Variants in FUCA2 observed in about 807,000 individuals in gnomAD.
FUCA2 encodes alpha-L-fucosidase 2.
A neutral mutation model predicts 52.6 loss-of-function variants in FUCA2; 41 were observed. That is an observed-to-expected ratio of 0.78 (90% CI 0.61 to 1.01). The LOEUF (loss-of-function observed/expected upper bound fraction) is 1.01, where lower values mean the gene tolerates loss of function less well. Among genes scored for constraint, FUCA2 ranks in the 50% least tolerant of loss-of-function variants. The pLI, the probability that FUCA2 is intolerant of heterozygous loss-of-function variation, is 0.00. For missense variants in FUCA2, 507 were observed against 569.5 expected (o/e 0.89, Z 1.12); for synonymous variants, 211 against 217.3 (o/e 0.97, Z 0.26).
Position 143,497,172 on chromosome 6 carries a change from G to A in FUCA2, c.1263+217C>T, listed in dbSNP as rs900694713. ...GACAGGGGTCTTGCTATGTTGCCCA[G>A]GCTAGTCTCAAACTTCTGGCCTCAA... On this transcript the variant is annotated intron_variant, in intron 6 of 6. Coordinates refer to ENST00000002165, the MANE Select transcript of FUCA2 (RefSeq NM_032020.5). The surrounding 1 kb of genome is among the most constrained non-coding windows in gnomAD (Gnocchi z 5.3). The A allele has an allele frequency of 1.6e-5, 8 of 492,204 alleles. No individual in the cohort carries two copies. Among genetic ancestry groups the A allele is most frequent in the Non-Finnish European group, 2.9e-5 (8 of 272,032 alleles). 30.5% of individuals were successfully genotyped at this position (492,204 alleles called of 1,614,324 possible). A position where few individuals can be genotyped will look rare whatever the true frequency, so the allele number is the denominator to read the frequency against.
rs770485342 is a variant in FUCA2, at chr6:143,511,560, C to A, written c.75G>T (p.Pro25=). The A allele has an allele frequency of 2.0e-5, 31 of 1,564,550 alleles. No individual in the cohort carries two copies. Among genetic ancestry groups the A allele is most frequent in the Non-Finnish European group, 2.6e-5 (30 of 1,155,262 alleles). ...AGCGCGTGGCGCTGTGGGCAGGGCA[C>A]GGCGGCGGCGGCAGCAGCAGCAACA... The part of the protein sequence containing the change: ...LLLLLLLPPP[P]CPAHSATRFD... Residue 25 remains proline (P), a synonymous_variant, in exon 1 of 7, where the codon CCG becomes CCT. Coordinates refer to ENST00000002165, the MANE Select transcript of FUCA2 (RefSeq NM_032020.5). The surrounding 1 kb of genome is among the most constrained non-coding windows in gnomAD (Gnocchi z 6.3).
At position 143,495,479 on chromosome 6, in the gene FUCA2, G is replaced by T; in HGVS notation, c.*228C>A. The T allele has an allele frequency of 2.3e-6, 1 of 432,308 alleles. No individual in the cohort carries two copies. Among genetic ancestry groups the T allele is most frequent in the Non-Finnish European group, 4.1e-6 (1 of 243,764 alleles). The allele number at this position is 432,308 out of a possible 1,614,324, so 26.8% of individuals were successfully genotyped here. A position where few individuals can be genotyped will look rare whatever the true frequency, so the allele number is the denominator to read the frequency against. On this transcript the variant is annotated 3_prime_UTR_variant, in exon 7 of 7. Transcript: ENST00000002165. The surrounding 1 kb of genome is among the most constrained non-coding windows in gnomAD (Gnocchi z 5.2). ...AATTCTCACCTCTGAGTCACACATGGAAACAAATCAATGTGAAGAGACTTT... is the reference window on the plus strand; with the variant it reads ...AATTCTCACCTCTGAGTCACACATGTAAACAAATCAATGTGAAGAGACTTT...
intron 1 of FUCA2, among the ~76,000 whole-genome samples, chr6:143,508,032 C>T (rs1452303029): frequency 6.6e-6 from 1 of 152,104 alleles, no homozygotes; most frequent in Admixed American, 6.5e-5. Flanking sequence ...ACACATTGTC[C>T]CTTGTAACAT....
Position 143,507,128 on chromosome 6 carries a change from T to C in FUCA2, c.412+109A>G, listed in dbSNP as rs527869068. Reference sequence around the variant, plus strand: ...ATAAGCAAGTGCCAGTCACCACTTATGGTTGCTCCGAAGAGAAAATTAGAC... The same window carrying C: ...ATAAGCAAGTGCCAGTCACCACTTACGGTTGCTCCGAAGAGAAAATTAGAC... On this transcript the variant is annotated intron_variant, in intron 2 of 6. Coordinates refer to ENST00000002165, the MANE Select transcript of FUCA2 (RefSeq NM_032020.5). The surrounding 1 kb of genome is among the most constrained non-coding windows in gnomAD (Gnocchi z 4.5). The C allele has an allele frequency of 1.9e-4, 188 of 999,862 alleles. 1 individual carries two copies. The African/African-American group carries it at 2.8e-3, about 15-fold the overall frequency. The allele number at this position is 999,862 out of a possible 1,614,324, so 61.9% of individuals were successfully genotyped here. A position where few individuals can be genotyped will look rare whatever the true frequency, so the allele number is the denominator to read the frequency against.
chr6:143,498,358 A>G (rs1023620151), intron 5 of FUCA2, among the ~76,000 whole-genome samples: 4 of 152,214 alleles, frequency 2.6e-5, no homozygotes, highest in African/African-American at 9.6e-5. Context: ...ATTAAATGCT[A>G]TGGAGAAAAC....
intron 6 of FUCA2, chr6:143,496,430 GA>G: frequency 6.6e-6 from 1 of 152,224 alleles, no homozygotes; most frequent in Non-Finnish European, 1.5e-5. Context: ...AAAGAACATA[GA>G]TAAAATAAAA....
rs1780661788 is a variant in FUCA2 at position 143,510,064 on chromosome 6, A to G, written c.224+1347T>C. 6.6e-6 allele frequency among the ~76,000 whole-genome samples: 1 copy of G among 152,236 alleles called. No homozygotes were observed. The highest frequency in any genetic ancestry group is 6.5e-5 in the Admixed American group (1 of 15,286). On this transcript the variant is annotated intron_variant, in intron 1 of 6. Coordinates refer to ENST00000002165, the MANE Select transcript of FUCA2 (RefSeq NM_032020.5). This position sits in a 1 kb window ranked among gnomAD's most constrained non-coding sequence, Gnocchi z 4.4. ...ATCCTAAGCTTCAAAGACAAGAAGTAGAATACTGTACAGAACTTGCTAAAA... is the reference window on the plus strand; with the variant it reads ...ATCCTAAGCTTCAAAGACAAGAAGTGGAATACTGTACAGAACTTGCTAAAA...
chr6:143,504,285 T>C lies in FUCA2; in HGVS notation c.413-33A>G. 1 of 1,550,506 alleles carries C rather than the reference T, an allele frequency of 6.4e-7. No homozygotes were observed. Among genetic ancestry groups the C allele is most frequent in the Non-Finnish European group, 8.8e-7 (1 of 1,142,650 alleles). ...ATTATAGTGAAAACCCTTGTAAGCA[T>C]GTCAACTTTATTTTAGTAAATTTCA... On this transcript the variant is annotated intron_variant, in intron 2 of 6. Coordinates refer to ENST00000002165, the MANE Select transcript of FUCA2 (RefSeq NM_032020.5). This position sits in a 1 kb window ranked among gnomAD's most constrained non-coding sequence, Gnocchi z 4.4.
intron 1 of FUCA2, among the ~76,000 whole-genome samples, chr6:143,508,153 A>C (rs1780635519): frequency 6.6e-6 from 1 of 152,230 alleles, no homozygotes; most frequent in Non-Finnish European, 1.5e-5. Flanking sequence ...GGGAGGCAAA[A>C]GTAAAATTAA....
At position 143,504,227 on chromosome 6, in the gene FUCA2, A is replaced by G; in HGVS notation, c.438T>C (p.Tyr146=). 1 of 1,613,934 alleles carries G rather than the reference A, an allele frequency of 6.2e-7. No individual in the cohort carries two copies. Among genetic ancestry groups the G allele is most frequent in the Non-Finnish European group, 8.5e-7 (1 of 1,179,902 alleles). ...HEGFTLWGSE[Y]SWNWNAIDEG... ...CATCTATGGCATTCCAGTTCCACGA[A>G]TATTCTGACCCCCACAAGGTAAAGC... The change falls in exon 3 of 7, where the codon TAT becomes TAC. Residue 146 remains tyrosine (Y), a synonymous_variant. Transcript: ENST00000002165. This position sits in a 1 kb window ranked among gnomAD's most constrained non-coding sequence, Gnocchi z 4.4.
intron 2 of FUCA2, chr6:143,505,895 A>C (rs1277788639): frequency 6.6e-6 from 1 of 152,222 alleles, no homozygotes; most frequent in African/African-American, 2.4e-5. Context: ...CATGTGGGCT[A>C]CATCATCTCT....
At chr6:143,496,825 T>G (rs1449231506) in intron 6 of FUCA2, 1 of 152,186 alleles carries the variant, frequency 6.6e-6, no homozygotes, top group Non-Finnish European at 1.5e-5. Context: ...TGCAGTGAAC[T>G]TGAACAACGT....
At position 143,502,582 on chromosome 6, in the gene FUCA2, A is replaced by G. The variant is rs1780544580; in HGVS notation, c.753-17T>C. 6.3e-7 allele frequency: 1 copy of G among 1,595,212 alleles called. No homozygotes were observed. Among genetic ancestry groups the G allele is most frequent in the Non-Finnish European group, 8.5e-7 (1 of 1,171,514 alleles). On this transcript the variant is annotated splice_polypyrimidine_tract_variant and intron_variant, in intron 3 of 6. Transcript: ENST00000002165. This position sits in a 1 kb window ranked among gnomAD's most constrained non-coding sequence, Gnocchi z 4.1. ...CGAACTGGGCTGAAATGAAACATAC[A>G]ATTTTTTAAAACAAAAGGTATAAGC...
chr6:143,495,033 G>C lies in FUCA2; in HGVS notation c.*674C>G, dbSNP rs558574199. The C allele has an allele frequency of 1.0e-4, 16 of 153,028 alleles. No individual in the cohort carries two copies. The highest frequency in any genetic ancestry group is 1.5e-4 in the Non-Finnish European group (10 of 68,494). 9.5% of individuals were successfully genotyped at this position (153,028 alleles called of 1,614,324 possible). ...TCCTAGGCCTTCACATTCACTCACT[G>C]ACTCACCCAGAGCAACTTCCAGTCC... On this transcript the variant is annotated 3_prime_UTR_variant, in exon 7 of 7. Coordinates refer to ENST00000002165, the MANE Select transcript of FUCA2 (RefSeq NM_032020.5). This position sits in a 1 kb window ranked among gnomAD's most constrained non-coding sequence, Gnocchi z 5.2.
rs960446936 is a variant in FUCA2, at chr6:143,499,933, G to A, written c.1154+1999C>T. Among the ~76,000 whole-genome samples the A allele has an allele frequency of 6.6e-6, 1 of 152,210 alleles. No homozygotes were observed. The highest frequency in any genetic ancestry group is 2.4e-5 in the African/African-American group (1 of 41,454). On this transcript the variant is annotated intron_variant, in intron 5 of 6. Transcript: ENST00000002165. The surrounding 1 kb of genome is among the most constrained non-coding windows in gnomAD (Gnocchi z 6.0). ...TCACTAGAAATGCAAGTGAAATTGA[G>A]TTAAAGGGGAGAATTGCTATAACAA...
Position 143,509,269 on chromosome 6 carries a change from C to G in FUCA2, c.225-1845G>C, listed in dbSNP as rs1377463309. On this transcript the variant is annotated intron_variant, in intron 1 of 6. Coordinates refer to ENST00000002165, the MANE Select transcript of FUCA2 (RefSeq NM_032020.5). This position sits in a 1 kb window ranked among gnomAD's most constrained non-coding sequence, Gnocchi z 5.4. ...ATATACTCATCTATACTGTTGATTC[C>G]CCGAAAGTCAAATTGAGAGTGAGGA... Among the ~76,000 whole-genome samples, 1 of 151,956 alleles carries G rather than the reference C, an allele frequency of 6.6e-6. No homozygotes were observed. Among genetic ancestry groups the G allele is most frequent in the Non-Finnish European group, 1.5e-5 (1 of 68,004 alleles).
intron 2 of FUCA2, chr6:143,506,455 A>G (rs1392027522): frequency 6.6e-6 from 1 of 152,044 alleles, no homozygotes; most frequent in Non-Finnish European, 1.5e-5. Context: ...CGGCCTCCCA[A>G]AATTTTGGGA....
chr6:143,504,160 T>A lies in FUCA2; in HGVS notation c.505A>T (p.Ile169Phe). The change falls in exon 3 of 7, where the codon ATT becomes TTT. Residue 169 changes from isoleucine (I) to phenylalanine (F), a missense_variant. Physicochemically the swap from Ile to Phe is conservative, Grantham distance 21. Transcript: ENST00000002165. The surrounding 1 kb of genome is among the most constrained non-coding windows in gnomAD (Gnocchi z 4.4). ...RDIVKELEVA[I>F]RNRTDLRFGL... ...AAACGCAGGTCAGTTCTGTTCCTAA[T>A]GGCTACCTCAAGTTCCTTGACAATG... The A allele has an allele frequency of 6.2e-7, 1 of 1,614,174 alleles. No individual in the cohort carries two copies. Among genetic ancestry groups the A allele is most frequent in the South Asian group, 1.1e-5 (1 of 91,084 alleles).
Position 143,499,428 on chromosome 6 carries a change from C to T in FUCA2, c.1155-1931G>A, listed in dbSNP as rs1584025795. 6.6e-6 allele frequency among the ~76,000 whole-genome samples: 1 copy of T among 152,224 alleles called. No homozygotes were observed. Among genetic ancestry groups the T allele is most frequent in the African/African-American group, 2.4e-5 (1 of 41,548 alleles). On this transcript the variant is annotated intron_variant, in intron 5 of 6. Coordinates refer to ENST00000002165, the MANE Select transcript of FUCA2 (RefSeq NM_032020.5). This position sits in a 1 kb window ranked among gnomAD's most constrained non-coding sequence, Gnocchi z 6.0. ...AAAATTAGCCAGGCTTGGTGGCGGA[C>T]ACCTGTAATCCCAGCTACTCAGGAG...
Sources: allele counts gnomAD v4.1 joint callset (sites outside exome capture counted in the v4.1 genomes callset), GRCh38; gene constraint gnomAD v4.1.1; non-coding constraint Gnocchi (gnomAD v3.1); transcripts MANE v1.5; gene names NCBI Gene and HGNC (gene_info 2026-07-23, HGNC 2026-07-21).